H2AJ: variants seen among roughly 807,000 people sequenced by gnomAD.
H2AJ encodes histone H2A.J.
A neutral mutation model predicts 7.9 loss-of-function variants in H2AJ; 3 were observed. That is an observed-to-expected ratio of 0.38 (90% CI 0.17 to 0.98). The LOEUF (loss-of-function observed/expected upper bound fraction) is 0.98. Ranked by LOEUF, H2AJ falls within the 50% of genes least tolerant of loss-of-function variation. The probability of loss-of-function intolerance (pLI) is 0.39; values close to 1 mark genes in which losing one functional copy is unlikely to be tolerated. For synonymous variants in H2AJ, 98 were observed against 85.7 expected (o/e 1.14, Z -0.79); for missense variants, 128 against 174.4 (o/e 0.73, Z 1.50).
downstream of H2AJ, chr12:14,775,478 C>T: frequency 2.1e-6 from 1 of 470,074 alleles, no homozygotes; most frequent in Non-Finnish European, 4.4e-6. Flanking sequence ...AGCCTAGTAG[C>T]TGCTGTGCTT....
Position 14,774,526 on chromosome 12 carries a change from C to G in H2AJ, c.56C>G (p.Ser19Cys), listed in dbSNP as rs1017041092. 6.2e-7 allele frequency: 1 copy of G among 1,607,994 alleles called. No homozygotes were observed. ...GTGCGAGCAAAGGCCAAATCCCGCT[C>G]CTCCCGCGCGGGCCTGCAGTTCCCG... ...GKVRAKAKSR[S>C]SRAGLQFPVG... Residue 19 changes from serine to cysteine, a missense_variant, in exon 1 of 1, where the codon TCC becomes TGC. Transcript: ENST00000544848.
At chr12:14,775,754 A>G (rs1470523085), downstream of H2AJ, 2 of 241,930 alleles carry the variant, frequency 8.3e-6, no homozygotes, top group African/African-American at 4.7e-5. Flanking sequence ...CTTTCAAACA[A>G]AACAAAAACC....
downstream of H2AJ, chr12:14,777,039 C>T (rs1407687811): frequency 6.0e-6 from 1 of 167,266 alleles, no homozygotes; most frequent in Non-Finnish European, 1.5e-5. Flanking sequence ...CATCCCCTCA[C>T]ATACTCTGCC....
downstream of H2AJ, chr12:14,776,740 C>G (rs550746628): frequency 6.0e-6 from 1 of 167,066 alleles, no homozygotes; most frequent in Non-Finnish European, 1.5e-5. Flanking sequence ...CTACTACTCA[C>G]AGTTACCACT....
In H2AJ at chr12:14,774,639, G is replaced by A; in HGVS notation, c.169G>A (p.Glu57Lys). The change falls in exon 1 of 1, where the codon GAG (glutamate) becomes AAG (lysine). Residue 57 changes from glutamate to lysine, a missense_variant. Coordinates refer to ENST00000544848, the MANE Select transcript of H2AJ (RefSeq NM_177925.5). Reference protein sequence around the residue: ...GAPVYLAAVLEYLTAEILELA... With the variant: ...GAPVYLAAVLKYLTAEILELA... ...GCCGGTGTACCTGGCGGCGGTGTTG[G>A]AGTACCTTACGGCGGAGATCCTGGA... The A allele has an allele frequency of 1.2e-6, 2 of 1,614,172 alleles. No individual in the cohort carries two copies. The highest frequency in any genetic ancestry group is 1.7e-6 in the Non-Finnish European group (2 of 1,180,038).
chr12:14,775,639 G>T, downstream of H2AJ: 2 of 337,748 alleles, frequency 5.9e-6, no homozygotes, highest in Non-Finnish European at 1.2e-5. Flanking sequence ...TTTAGTCGTG[G>T]GTTACATATG....
At position 14,774,554 on chromosome 12, in the gene H2AJ, G is replaced by T; in HGVS notation, c.84G>T (p.Val28=). The part of the protein sequence containing the change: ...RSSRAGLQFP[V]GRVHRLLRKG... ...CCCGCGCGGGCCTGCAGTTCCCGGT[G>T]GGCCGAGTGCACAGACTGCTGCGCA... Residue 28 remains valine (V), a synonymous_variant, in exon 1 of 1, where the codon GTG becomes GTT. Transcript: ENST00000544848. 1 of 1,613,486 alleles carries T rather than the reference G, an allele frequency of 6.2e-7. No individual in the cohort carries two copies. Among genetic ancestry groups the T allele is most frequent in the East Asian group, 2.2e-5 (1 of 44,864 alleles).
At position 14,774,861 on chromosome 12, in the gene H2AJ, C is replaced by T. The variant is rs1035119008; in HGVS notation, c.*1C>T. Reference sequence around the variant, plus strand: ...GAGTCAGAAGACGAAGAGCAAATGACCCTGACGCCGCCCTCAGGGAGCTGG... The same window carrying T: ...GAGTCAGAAGACGAAGAGCAAATGATCCTGACGCCGCCCTCAGGGAGCTGG... On this transcript the variant is annotated 3_prime_UTR_variant, in exon 1 of 1. Coordinates refer to ENST00000544848, the MANE Select transcript of H2AJ (RefSeq NM_177925.5). The T allele has an allele frequency of 1.2e-6, 2 of 1,612,704 alleles. No individual in the cohort carries two copies. Among genetic ancestry groups the T allele is most frequent in the Admixed American group, 1.7e-5 (1 of 59,752 alleles).
At chr12:14,776,774 T>A (rs1018356511), downstream of H2AJ, 12 of 167,166 alleles carry the variant, frequency 7.2e-5, no homozygotes, top group African/African-American at 2.9e-4. Context: ...ACAAAATGCA[T>A]ATATGGTTTT....
chr12:14,775,298 G>C (rs1484365782), downstream of H2AJ: 1 of 472,246 alleles, frequency 2.1e-6, no homozygotes, highest in Non-Finnish European at 4.4e-6. Context: ...CAGAGCCTTC[G>C]CTCTCCTGCC....
downstream of H2AJ, chr12:14,777,935 C>T (rs79974352): frequency 0.014 from 2,270 of 167,144 alleles, 23 homozygotes; most frequent in Admixed American, 0.024. Flanking sequence ...GGCTGTTTTA[C>T]TAATTAAAGG....
chr12:14,777,463 T>A (rs1949656090), downstream of H2AJ: 1 of 167,032 alleles, frequency 6.0e-6, no homozygotes, highest in Non-Finnish European at 1.5e-5. Flanking sequence ...CGAGGACTGG[T>A]CTGTTTAGTT....
Position 14,775,024 on chromosome 12 carries a change from G to A in H2AJ, c.*164G>A, listed in dbSNP as rs1949615520. The A allele has an allele frequency of 4.8e-6, 4 of 826,820 alleles. No individual in the cohort carries two copies. Among genetic ancestry groups the A allele is most frequent in the South Asian group, 1.8e-5 (1 of 55,092 alleles). The allele number at this position is 826,820 out of a possible 1,614,324, so 51.2% of individuals were successfully genotyped here. The stretch of plus-strand genomic sequence containing the variant: ...GGAGCCAATAAAGTTGGTGAAAATC[G>A]TTTGGTCGAGAGAGCTGTGTAGTCG... On this transcript the variant is annotated 3_prime_UTR_variant, in exon 1 of 1. Coordinates refer to ENST00000544848, the MANE Select transcript of H2AJ (RefSeq NM_177925.5).
chr12:14,774,499 A>G lies in H2AJ; in HGVS notation c.29A>G (p.Lys10Arg), dbSNP rs2066116259. ...TCCGGTCGCGGGAAACAGGGCGGCA[A>G]AGTGCGAGCAAAGGCCAAATCCCGC... MSGRGKQGG[K>R]VRAKAKSRSS... is the part of the protein sequence containing the mutation. The change falls in exon 1 of 1, where the codon AAA becomes AGA. Residue 10 changes from lysine to arginine, a missense_variant. Coordinates refer to ENST00000544848, the MANE Select transcript of H2AJ (RefSeq NM_177925.5). 2 of 1,588,974 alleles carry G rather than the reference A, an allele frequency of 1.3e-6. No individual in the cohort carries two copies. Among genetic ancestry groups the G allele is most frequent in the African/African-American group, 1.4e-5 (1 of 73,828 alleles).
downstream of H2AJ, chr12:14,775,113 G>T: frequency 1.8e-6 from 1 of 548,472 alleles, no homozygotes; most frequent in African/African-American, 1.9e-5. Context: ...GCAGGCACTG[G>T]TGGGTGGGCT....
At chr12:14,775,313 T>G (rs1454917045), downstream of H2AJ, 1 of 471,776 alleles carries the variant, frequency 2.1e-6, no homozygotes. Context: ...CCTGCCAGTT[T>G]GTGAGCACTC....
chr12:14,774,436 G>C lies in H2AJ; in HGVS notation c.-35G>C, dbSNP rs1158111333. 5 of 1,530,692 alleles carry C rather than the reference G, an allele frequency of 3.3e-6. No individual in the cohort carries two copies. Among genetic ancestry groups the C allele is most frequent in the Non-Finnish European group, 4.4e-6 (5 of 1,141,072 alleles). The allele number at this position is 1,530,692 out of a possible 1,614,324, so 94.8% of individuals were successfully genotyped here. A position where few individuals can be genotyped will look rare whatever the true frequency, so the allele number is the denominator to read the frequency against. ...CGGTACCGGACGCCGAGAGCGGTTTGTCTCCGTCTCTGGAGTTGTAGGCGA... is the reference window on the plus strand; with the variant it reads ...CGGTACCGGACGCCGAGAGCGGTTTCTCTCCGTCTCTGGAGTTGTAGGCGA... On this transcript the variant is annotated 5_prime_UTR_variant, in exon 1 of 1. Transcript: ENST00000544848.
chr12:14,776,348 C>T (rs554748279), downstream of H2AJ: 1 of 167,178 alleles, frequency 6.0e-6, no homozygotes, highest in South Asian at 2.1e-4. Flanking sequence ...GAAGACGGGA[C>T]AAGGAACAAA....
downstream of H2AJ, chr12:14,777,121 G>T (rs3789999): frequency 0.57 from 95,575 of 166,626 alleles, 27,677 homozygotes; most frequent in Admixed American, 0.63. Context: ...AATAGTTTAC[G>T]GGCTGTTTAA....
Sources: gnomAD v4.1 joint callset for allele counts on GRCh38, gnomAD v4.1.1 for gene constraint, MANE v1.5 for transcripts, NCBI Gene and HGNC (gene_info 2026-07-23, HGNC 2026-07-21) for gene names.